TMTC2: variants seen among roughly 807,000 people sequenced by gnomAD.
TMTC2 encodes the protein protein O-mannosyl-transferase TMTC2.
TMTC2 carries 43 observed loss-of-function variants against 82.4 expected under a neutral mutation model. The ratio of observed to expected loss-of-function variants is 0.52; its 90% CI spans 0.41 to 0.67. TMTC2 has a LOEUF of 0.67. TMTC2 is among the 30% of genes least tolerant of loss of function. The pLI, the probability that TMTC2 is intolerant of heterozygous loss-of-function variation, is 0.00. For missense variants in TMTC2, 919 were observed against 1,012.4 expected, an observed-to-expected ratio of 0.91 and a Z score of 1.25; for synonymous variants, 408 against 381.9, an observed-to-expected ratio of 1.07 and a Z score of -0.80.
At chr12:82,753,514 T>C (rs1876132535) in intron 1 of TMTC2, among the ~76,000 whole-genome samples, 2 of 152,200 alleles carry the variant, frequency 1.3e-5, no homozygotes, top group South Asian at 4.1e-4. Flanking sequence ...CAATGTTTTA[T>C]GTATTGGGTG....
chr12:83,094,610 T>C (rs1341246488), intron 11 of TMTC2, among the ~76,000 whole-genome samples: 1 of 152,174 alleles, frequency 6.6e-6, no homozygotes, highest in East Asian at 1.9e-4. Flanking sequence ...ACTACTTCAG[T>C]ATTCCAGGTG....
intron 2 of TMTC2, among the ~76,000 whole-genome samples, chr12:82,876,130 A>ATGGTGGTGGTGG (rs575160141): frequency 2.7e-4 from 30 of 111,358 alleles, no homozygotes; most frequent in African/African-American, 7.7e-4. Context: ...GGTATTAGTA[A>ATGGTGGTGGTGG]TGGTGGTGGT....
chr12:82,833,162 G>A (rs958106731), intron 1 of TMTC2, among the ~76,000 whole-genome samples: 1 of 152,196 alleles, frequency 6.6e-6, no homozygotes, highest in Admixed American at 6.5e-5. Context: ...ATTCTGGAGT[G>A]TTTTTTAATG....
intron 11 of TMTC2, among the ~76,000 whole-genome samples, chr12:83,081,790 G>C (rs1403273088): frequency 6.6e-6 from 1 of 152,106 alleles, no homozygotes; most frequent in Non-Finnish European, 1.5e-5. Context: ...TATAATCCTA[G>C]CACTTTGGGA....
intron 3 of TMTC2, among the ~76,000 whole-genome samples, chr12:82,929,509 C>A (rs1875909179): frequency 2.0e-5 from 3 of 152,184 alleles, no homozygotes; most frequent in African/African-American, 7.2e-5. Flanking sequence ...TTGAAAGATT[C>A]TGTGCTCTTT....
intron 1 of TMTC2, among the ~76,000 whole-genome samples, chr12:82,815,494 A>G (rs12319462): frequency 0.039 from 5,972 of 151,496 alleles, 386 homozygotes; most frequent in African/African-American, 0.14. Context: ...TTGTATTTTT[A>G]GTAGAGACGG....
chr12:83,102,501 G>A (rs1884254006), intron 11 of TMTC2, among the ~76,000 whole-genome samples: 1 of 152,030 alleles, frequency 6.6e-6, no homozygotes, highest in South Asian at 2.1e-4. Context: ...TATCAGAAAG[G>A]GATTATATCA....
intron 3 of TMTC2, among the ~76,000 whole-genome samples, chr12:82,926,568 T>C (rs555910188): frequency 8.8e-4 from 134 of 152,370 alleles, no homozygotes; most frequent in South Asian, 5.0e-3. Flanking sequence ...TTAATGTGGC[T>C]ACAACTAAAC....
chr12:82,754,133 G>T (rs1183426067), intron 1 of TMTC2, among the ~76,000 whole-genome samples: 2 of 152,202 alleles, frequency 1.3e-5, no homozygotes, highest in Non-Finnish European at 2.9e-5. Context: ...TCAGAAAGAA[G>T]TTGAGAGAAG....
chr12:82,856,492 C>T (rs891900256), intron 1 of TMTC2, among the ~76,000 whole-genome samples: 3 of 152,178 alleles, frequency 2.0e-5, no homozygotes, highest in Admixed American at 2.0e-4. Context: ...GGCTTCTCCC[C>T]AGGCCTACTG....
chr12:82,948,022 G>C (rs1389166617), intron 4 of TMTC2, among the ~76,000 whole-genome samples: 1 of 152,094 alleles, frequency 6.6e-6, no homozygotes, highest in Non-Finnish European at 1.5e-5. Context: ...TTCAGTGAAG[G>C]GGGCCATTCC....
rs1031550958 is a variant in TMTC2 at position 82,846,300 on chromosome 12, G to A, written c.84-10710G>A. ...TTGAACCCAGGAGGCGGAGGTTGCA[G>A]TGAGCTGAGATCATGTGACTGCACT... is the stretch of plus-strand genomic sequence containing the variant. On this transcript the variant is annotated intron_variant, in intron 1 of 11. Transcript: ENST00000321196. 2.0e-5 allele frequency among the ~76,000 whole-genome samples: 3 copies of A among 152,130 alleles called. No homozygotes were observed. In the South Asian group the frequency reaches 6.2e-4, roughly 31 times the overall value.
intron 8 of TMTC2, among the ~76,000 whole-genome samples, chr12:83,018,787 T>G (rs1880791412): frequency 6.6e-6 from 1 of 152,192 alleles, no homozygotes; most frequent in African/African-American, 2.4e-5. Flanking sequence ...ATCCATCATT[T>G]AGGCAACAAC....
chr12:82,979,339 T>C (rs1048588996), intron 7 of TMTC2, among the ~76,000 whole-genome samples: 18 of 151,728 alleles, frequency 1.2e-4, no homozygotes, highest in Non-Finnish European at 2.1e-4. Flanking sequence ...GTACATCTTT[T>C]ATATGATTTT....
intron 2 of TMTC2, among the ~76,000 whole-genome samples, chr12:82,862,121 A>G (rs1158348085): frequency 6.6e-6 from 1 of 152,002 alleles, no homozygotes; most frequent in Non-Finnish European, 1.5e-5. Flanking sequence ...GATTACTTTC[A>G]CTCACTTAGT....
intron 1 of TMTC2, among the ~76,000 whole-genome samples, chr12:82,735,648 C>G (rs964740704): frequency 6.7e-6 from 1 of 149,138 alleles, no homozygotes; most frequent in Non-Finnish European, 1.5e-5. Context: ...CCCAGCCCCC[C>G]TAATTTTGAT....
At chr12:83,052,124 T>C (rs1882371834) in intron 10 of TMTC2, among the ~76,000 whole-genome samples, 1 of 152,042 alleles carries the variant, frequency 6.6e-6, no homozygotes, top group Non-Finnish European at 1.5e-5. Flanking sequence ...AGATTTATAA[T>C]TACATAGATT....
intron 4 of TMTC2, among the ~76,000 whole-genome samples, chr12:82,951,555 A>G (rs1877347782): frequency 6.6e-6 from 1 of 152,188 alleles, no homozygotes; most frequent in Admixed American, 6.5e-5. Context: ...TCCTGAGCTC[A>G]GGCAATCCTC....
chr12:82,755,395 C>G (rs1044992523), intron 1 of TMTC2, among the ~76,000 whole-genome samples: 5 of 152,188 alleles, frequency 3.3e-5, no homozygotes, highest in African/African-American at 1.2e-4. Flanking sequence ...CACCCCAACC[C>G]ATGCTGCAAT....
Sources: allele counts gnomAD v4.1 joint callset (sites outside exome capture counted in the v4.1 genomes callset), GRCh38; gene constraint gnomAD v4.1.1; transcripts MANE v1.5; gene names NCBI Gene and HGNC (gene_info 2026-07-23, HGNC 2026-07-21).